Variants in CNTNAP5 observed in about 807,000 individuals in gnomAD.
CNTNAP5 encodes contactin associated protein family member 5, also known as contactin-associated protein-like 5.
In CNTNAP5, 72 loss-of-function variants were observed where a neutral mutation model predicts 150.2. The observed-to-expected ratio is 0.48, with a 90% CI of 0.40 to 0.58. The LOEUF is 0.58. Among genes scored for constraint, CNTNAP5 ranks in the 20% least tolerant of loss-of-function variants. The pLI, the probability that CNTNAP5 is intolerant of heterozygous loss-of-function variation, is 0.00. For synonymous variants in CNTNAP5, 672 were observed against 619.8 expected (o/e 1.08, Z -1.25); for missense variants, 1,636 against 1,626.2 (o/e 1.01, Z -0.10).
At chr2:124,631,679 A>C (rs988816580) in intron 12 of CNTNAP5, among the ~76,000 whole-genome samples, 4 of 152,212 alleles carry the variant, frequency 2.6e-5, no homozygotes, top group African/African-American at 9.7e-5. Context: ...CTTTATGATG[A>C]AATTGCCAAA....
At chr2:124,026,583 C>T (rs1019926984) in intron 1 of CNTNAP5, among the ~76,000 whole-genome samples, 8 of 152,150 alleles carry the variant, frequency 5.3e-5, no homozygotes, top group African/African-American at 1.9e-4. Flanking sequence ...TCCTCAGCTG[C>T]CTCTCTAGGC....
intron 4 of CNTNAP5, 106 bp downstream of exon 4, chr2:124,417,696 G>A: frequency 1.7e-6 from 2 of 1,143,042 alleles, no homozygotes; most frequent in Non-Finnish European, 2.4e-6. Context: ...TTTTAAAGTT[G>A]TTTCTAGACT....
chr2:124,690,228 TTAAA>T (rs1386225442), intron 13 of CNTNAP5, among the ~76,000 whole-genome samples: 1 of 152,118 alleles, frequency 6.6e-6, no homozygotes, highest in Non-Finnish European at 1.5e-5. Flanking sequence ...TTCTTGAATA[TTAAA>T]TTAATTATTT....
chr2:124,730,867 T>A lies in CNTNAP5; in HGVS notation c.2078-16362T>A, dbSNP rs147225272. Among the ~76,000 whole-genome samples the A allele has an allele frequency of 2.0e-5, 3 of 152,234 alleles. No individual in the cohort carries two copies. The East Asian group carries it at 5.8e-4, about 29-fold the overall frequency. On this transcript the variant is annotated intron_variant, in intron 13 of 23. Coordinates refer to ENST00000682447, the MANE Select transcript of CNTNAP5 (RefSeq NM_001367498.1). ...TAATCATAAACAGGAGAGTGGTTAA[T>A]ATTCTTCAGATATGGGGCTGTGAAA...
chr2:124,791,035 T>C (rs1017179962), intron 18 of CNTNAP5, among the ~76,000 whole-genome samples: 2 of 152,248 alleles, frequency 1.3e-5, no homozygotes, highest in Non-Finnish European at 1.5e-5. Context: ...TAAAATAAAA[T>C]GCTTGAATCA....
At chr2:124,724,358 C>T (rs1431807320) in intron 13 of CNTNAP5, among the ~76,000 whole-genome samples, 1 of 151,914 alleles carries the variant, frequency 6.6e-6, no homozygotes, top group African/African-American at 2.4e-5. Flanking sequence ...CATGGAGGTT[C>T]CACACCCTCG....
At chr2:124,653,939 T>G (rs1678379290) in intron 13 of CNTNAP5, among the ~76,000 whole-genome samples, 1 of 98,604 alleles carries the variant, frequency 1.0e-5, no homozygotes, top group Non-Finnish European at 1.8e-5. Context: ...ACACACACAA[T>G]CAGTGCATGT....
chr2:124,487,760 T>C (rs1693921252), intron 7 of CNTNAP5, among the ~76,000 whole-genome samples: 1 of 152,120 alleles, frequency 6.6e-6, no homozygotes, highest in Non-Finnish European at 1.5e-5. Flanking sequence ...TTTTAATTCC[T>C]TATGATGACT....
At chr2:124,294,496 G>A (rs1007536611) in intron 3 of CNTNAP5, among the ~76,000 whole-genome samples, 1 of 152,138 alleles carries the variant, frequency 6.6e-6, no homozygotes, top group Non-Finnish European at 1.5e-5. Flanking sequence ...AATCTAGGCA[G>A]TGGAAACCAC....
chr2:124,084,289 C>T (rs547397019), intron 1 of CNTNAP5, among the ~76,000 whole-genome samples: 1 of 150,778 alleles, frequency 6.6e-6, no homozygotes, highest in South Asian at 2.1e-4. Flanking sequence ...TTTTTCCTCA[C>T]AGCGTCTCGC....
chr2:124,203,709 C>T (rs1433064964), intron 1 of CNTNAP5, among the ~76,000 whole-genome samples: 3 of 152,222 alleles, frequency 2.0e-5, no homozygotes, highest in African/African-American at 7.2e-5. Flanking sequence ...CCCTCTGAAG[C>T]AACGATATGA....
chr2:124,409,557 A>G (rs1198286758), intron 3 of CNTNAP5, among the ~76,000 whole-genome samples: 5 of 71,900 alleles, frequency 7.0e-5, no homozygotes, highest in Non-Finnish European at 1.1e-4. Flanking sequence ...GCCAGAAGAG[A>G]GTGGGGGCCA....
At chr2:124,656,982 A>T (rs1272331581) in intron 13 of CNTNAP5, among the ~76,000 whole-genome samples, 1 of 152,208 alleles carries the variant, frequency 6.6e-6, no homozygotes, top group Non-Finnish European at 1.5e-5. Flanking sequence ...CTTATGTGTG[A>T]CATTTAATGA....
chr2:124,097,420 CA>C (rs1233907097), intron 1 of CNTNAP5, among the ~76,000 whole-genome samples: 2 of 152,168 alleles, frequency 1.3e-5, no homozygotes, highest in Non-Finnish European at 2.9e-5. Flanking sequence ...ATCATATTAA[CA>C]ACCAAATAAA....
chr2:124,213,772 T>C (rs1450848286), intron 1 of CNTNAP5, among the ~76,000 whole-genome samples: 4 of 151,838 alleles, frequency 2.6e-5, no homozygotes, highest in Non-Finnish European at 5.9e-5. Context: ...CAAAAAAAAA[T>C]CAGTGGCAAC....
chr2:124,674,485 CCTCT>C (rs984441184), intron 13 of CNTNAP5, among the ~76,000 whole-genome samples: 6 of 130,384 alleles, frequency 4.6e-5, no homozygotes, highest in Non-Finnish European at 5.0e-5. Flanking sequence ...TCCCTCTCTC[CCTCT>C]CTACTTCCTT....
At chr2:124,643,296 G>A (rs922668759) in intron 12 of CNTNAP5, among the ~76,000 whole-genome samples, 2 of 152,090 alleles carry the variant, frequency 1.3e-5, no homozygotes, top group African/African-American at 4.8e-5. Context: ...TCTAATTGTG[G>A]GATTGGGTAG....
Position 124,703,223 on chromosome 2 carries a change from T to C in CNTNAP5, c.2078-44006T>C, listed in dbSNP as rs547002294. On this transcript the variant is annotated intron_variant, in intron 13 of 23. Transcript: ENST00000682447. Reference sequence around the variant, plus strand: ...CCTTCCTTCTCCCTCTCTTTCTTCTTCCTTCCTTCCTCCTCCCTTTCTTTC... The same window carrying C: ...CCTTCCTTCTCCCTCTCTTTCTTCTCCCTTCCTTCCTCCTCCCTTTCTTTC... 1.5e-3 allele frequency among the ~76,000 whole-genome samples: 233 copies of C among 151,104 alleles called. 2 individuals carry two copies. Among genetic ancestry groups the C allele is most frequent in the African/African-American group, 5.3e-3 (219 of 41,218 alleles).
At position 124,782,596 on chromosome 2, in the gene CNTNAP5, A is replaced by ATT. The variant is rs528323609; in HGVS notation, c.2753-7298_2753-7297dup. Reference sequence around the variant, plus strand: ...GGAGAATTTTAGTTCAATTGCTCACATTTTTTTTTCATCTGTAGTTTGTAA... The same window carrying ATT: ...GGAGAATTTTAGTTCAATTGCTCACATTTTTTTTTTTCATCTGTAGTTTGTAA... On this transcript the variant is annotated intron_variant, in intron 17 of 23. Transcript: ENST00000682447. Among the ~76,000 whole-genome samples the ATT allele has an allele frequency of 1.2e-3, 182 of 151,212 alleles. 1 individual carries two copies. Among genetic ancestry groups the ATT allele is most frequent in the African/African-American group, 3.7e-3 (154 of 41,234 alleles).
Sources: gnomAD v4.1 joint callset for allele counts (sites outside exome capture counted in the v4.1 genomes callset) on GRCh38, gnomAD v4.1.1 for gene constraint, MANE v1.5 for transcripts, NCBI Gene and HGNC (gene_info 2026-07-23, HGNC 2026-07-21) for gene names.